Variants in SDK1 observed in about 807,000 individuals in gnomAD.
The protein encoded by SDK1 is sidekick cell adhesion molecule 1, also known as protein sidekick-1.
In SDK1, 157 loss-of-function variants were observed where a neutral mutation model predicts 245.5. That is an observed-to-expected ratio of 0.64 (90% confidence interval 0.56 to 0.73). The LOEUF (loss-of-function observed/expected upper bound fraction) is 0.73, where lower values mean the gene tolerates loss of function less well. Among genes scored for constraint, SDK1 ranks in the 30% least tolerant of loss-of-function variants. The pLI is 0.00. For missense variants in SDK1, 3,583 were observed against 3,002.3 expected, an observed-to-expected ratio of 1.19 and a Z score of -4.52; for synonymous variants, 1,647 against 1,278.5, an observed-to-expected ratio of 1.29 and a Z score of -6.15.
At chr7:3,449,880 T>G (rs1320550539) in intron 1 of SDK1, among the ~76,000 whole-genome samples, 1 of 152,156 alleles carries the variant, frequency 6.6e-6, no homozygotes, top group Non-Finnish European at 1.5e-5. Flanking sequence ...GACACTCAGG[T>G]TACATCATTG....
chr7:3,449,257 T>A (rs1249604340), intron 1 of SDK1, among the ~76,000 whole-genome samples: 1 of 152,014 alleles, frequency 6.6e-6, no homozygotes, highest in Non-Finnish European at 1.5e-5. Context: ...TTTCACACTT[T>A]TATTTTGGGC....
chr7:3,824,858 A>G (rs1779732726), intron 5 of SDK1, among the ~76,000 whole-genome samples: 1 of 152,180 alleles, frequency 6.6e-6, no homozygotes, highest in Non-Finnish European at 1.5e-5. Context: ...GTGCATATTT[A>G]GTAGATGGCA....
At chr7:4,256,757 C>T (rs1202012879) in intron 44 of SDK1, among the ~76,000 whole-genome samples, 1 of 152,192 alleles carries the variant, frequency 6.6e-6, no homozygotes, top group Non-Finnish European at 1.5e-5. Context: ...CCGTCTTCTC[C>T]AGGGCCCAGG....
intron 4 of SDK1, among the ~76,000 whole-genome samples, chr7:3,688,854 C>G (rs1296896290): frequency 1.3e-5 from 2 of 152,148 alleles, no homozygotes; most frequent in African/African-American, 2.4e-5. Flanking sequence ...GTCCTGTGTC[C>G]TCTGCCTTCC....
intron 15 of SDK1, among the ~76,000 whole-genome samples, chr7:4,011,707 T>C (rs1785979841): frequency 6.6e-6 from 1 of 152,224 alleles, no homozygotes; most frequent in Non-Finnish European, 1.5e-5. Flanking sequence ...CCTTTCTTTT[T>C]TTTTCTTCAA....
chr7:4,045,533 A>G (rs1277342903), intron 17 of SDK1, among the ~76,000 whole-genome samples: 1 of 152,142 alleles, frequency 6.6e-6, no homozygotes, highest in Non-Finnish European at 1.5e-5. Flanking sequence ...AGTGTGAGCC[A>G]CTATGCCCCG....
At chr7:4,237,909 GAGAA>G in intron 42 of SDK1, 125 bp downstream of exon 42, 1 of 1,166,492 alleles carries the variant, frequency 8.6e-7, no homozygotes, top group Non-Finnish European at 1.2e-6. Flanking sequence ...TAGGTGCTGA[GAGAA>G]ATGCAATAGG....
At chr7:3,762,293 A>G (rs1780129087) in intron 4 of SDK1, among the ~76,000 whole-genome samples, 1 of 152,116 alleles carries the variant, frequency 6.6e-6, no homozygotes, top group Non-Finnish European at 1.5e-5. Flanking sequence ...GGTCCTGATG[A>G]TGGCATTTGT....
At chr7:3,918,374 C>T (rs543375748) in intron 5 of SDK1, among the ~76,000 whole-genome samples, 21 of 152,312 alleles carry the variant, frequency 1.4e-4, no homozygotes, top group South Asian at 8.3e-4. Context: ...GTCAGATCAG[C>T]GGCTGCATTA....
rs145044388 is a variant in SDK1 at position 3,971,470 on chromosome 7, G to C, written c.1719G>C (p.Arg573=). ...NASATLTVWN[R]TSIVHPPEDH... is the part of the protein sequence containing the mutation. The stretch of plus-strand genomic sequence containing the variant: ...CGTGACTTGTGTTTTTTTCAGATCG[G>C]ACGTCCATCGTCCACCCTCCTGAGG... The change falls in exon 12 of 45, where the codon CGG becomes CGC. Residue 573 remains arginine (R), a synonymous_variant. Coordinates refer to ENST00000404826, the MANE Select transcript of SDK1 (RefSeq NM_152744.4). The C allele has an allele frequency of 2.5e-6, 4 of 1,610,542 alleles. No individual in the cohort carries two copies. The African/African-American group carries it at 5.3e-5, about 22-fold the overall frequency.
intron 16 of SDK1, among the ~76,000 whole-genome samples, chr7:4,014,933 T>C (rs1562671169): frequency 6.6e-6 from 1 of 152,112 alleles, no homozygotes; most frequent in Non-Finnish European, 1.5e-5. Flanking sequence ...CTTTGGAAGA[T>C]GTAAATTCTG....
intron 5 of SDK1, among the ~76,000 whole-genome samples, chr7:3,855,806 T>G (rs1780531944): frequency 6.6e-6 from 1 of 152,184 alleles, no homozygotes; most frequent in Admixed American, 6.5e-5. Context: ...TAGTCAAAGT[T>G]CTGAGGGGAA....
At chr7:3,806,141 C>T (rs1480875655) in intron 4 of SDK1, among the ~76,000 whole-genome samples, 2 of 152,242 alleles carry the variant, frequency 1.3e-5, no homozygotes, top group African/African-American at 4.8e-5. Context: ...CTGCCAGTGA[C>T]TCTTCTGACT....
chr7:4,095,708 G>C (rs1782110802), intron 22 of SDK1, among the ~76,000 whole-genome samples: 1 of 152,180 alleles, frequency 6.6e-6, no homozygotes, highest in Non-Finnish European at 1.5e-5. Flanking sequence ...AAGTAGCTGG[G>C]ATTGCAGGCA....
intron 35 of SDK1, among the ~76,000 whole-genome samples, chr7:4,198,176 C>G (rs990366909): frequency 6.6e-6 from 1 of 152,222 alleles, no homozygotes; most frequent in Non-Finnish European, 1.5e-5. Flanking sequence ...GTGGAAATGT[C>G]CTGTAGCTCC....
Position 3,748,357 on chromosome 7 carries a change from T to C in SDK1, c.714-73093T>C, listed in dbSNP as rs534135244. 7.9e-5 allele frequency among the ~76,000 whole-genome samples: 12 copies of C among 152,356 alleles called. 1 individual carries two copies. In the South Asian group the frequency reaches 2.5e-3, roughly 32 times the overall value. ...TACTGTTTACTTAGAAAAATTGTAC[T>C]ATTTGAGAAAAACAGATTTAGTTTA... On this transcript the variant is annotated intron_variant, in intron 4 of 44. Transcript: ENST00000404826.
intron 4 of SDK1, among the ~76,000 whole-genome samples, chr7:3,665,706 A>T (rs1040954023): frequency 1.3e-5 from 2 of 152,130 alleles, no homozygotes; most frequent in African/African-American, 4.8e-5. Context: ...TTCATTGAGC[A>T]TTGGTGCTTT....
At chr7:3,348,063 C>T (rs1451334512) in intron 1 of SDK1, among the ~76,000 whole-genome samples, 1 of 152,170 alleles carries the variant, frequency 6.6e-6, no homozygotes, top group Non-Finnish European at 1.5e-5. Flanking sequence ...CCCTGCACTT[C>T]TGTGAGGCCT....
chr7:3,390,413 A>G (rs1781719976), intron 1 of SDK1, among the ~76,000 whole-genome samples: 1 of 152,202 alleles, frequency 6.6e-6, no homozygotes, highest in Non-Finnish European at 1.5e-5. Flanking sequence ...ATATTGTAAG[A>G]ACTGTGCATC....
Sources: allele counts gnomAD v4.1 joint callset (sites outside exome capture counted in the v4.1 genomes callset), GRCh38; gene constraint gnomAD v4.1.1; transcripts MANE v1.5; gene names NCBI Gene and HGNC (gene_info 2026-07-23, HGNC 2026-07-21).